Variants in CBLC observed in about 807,000 individuals in gnomAD.
CBLC encodes E3 ubiquitin-protein ligase CBL-C.
Under a neutral mutation model 58.6 loss-of-function variants are expected in CBLC, and 46 were observed. The observed-to-expected ratio is 0.79, with a 90% CI of 0.62 to 1.00. The LOEUF (loss-of-function observed/expected upper bound fraction) is 1.00. Ranked by LOEUF, CBLC falls within the 50% of genes least tolerant of loss-of-function variation. The pLI is 0.00. For synonymous variants in CBLC, 271 were observed against 264.2 expected, an observed-to-expected ratio of 1.03 and a Z score of -0.25; for missense variants, 655 against 625.8, an observed-to-expected ratio of 1.05 and a Z score of -0.50.
At position 44,781,032 on chromosome 19, in the gene CBLC, AGGGAAAGTTGCGGAGCCCGGTG is replaced by A; in HGVS notation, c.482_500+3del. 1.2e-6 allele frequency: 2 copies of A among 1,612,936 alleles called. No individual in the cohort carries two copies. Among genetic ancestry groups the A allele is most frequent in the Non-Finnish European group, 1.7e-6 (2 of 1,179,894 alleles). On this transcript the variant is annotated splice_donor_variant and splice_donor_region_variant and coding_sequence_variant and intron_variant, in exon 2 of 11. Coordinates refer to ENST00000647358, the MANE Select transcript of CBLC (RefSeq NM_012116.4). LOFTEE classifies it high-confidence loss of function. ...CAAGGCCCCCGCCCACACCTTCTGGAGGGAAAGTTGCGGAGCCCGGTGAGTAAGCCCTTGTCCTCAGCTCCCG... is the reference window on the plus strand; with the variant it reads ...CAAGGCCCCCGCCCACACCTTCTGGAAGTAAGCCCTTGTCCTCAGCTCCCG...
intron 9 of CBLC, among the ~76,000 whole-genome samples, chr19:44,796,371 G>A (rs1027982911): frequency 1.3e-5 from 2 of 152,146 alleles, no homozygotes; most frequent in Admixed American, 6.6e-5. Flanking sequence ...TTATTTTTTT[G>A]TTGTTTCTTT....
chr19:44,796,036 G>A (rs1334609321), intron 9 of CBLC, among the ~76,000 whole-genome samples: 1 of 152,042 alleles, frequency 6.6e-6, no homozygotes, highest in East Asian at 1.9e-4. Flanking sequence ...CCAACATGGT[G>A]AAACCCTGTC....
At chr19:44,793,246 C>T (rs1279970334) in intron 7 of CBLC, among the ~76,000 whole-genome samples, 1 of 152,186 alleles carries the variant, frequency 6.6e-6, no homozygotes, top group African/African-American at 2.4e-5. Flanking sequence ...GGATCCCTGG[C>T]CTGTGTGCCC....
chr19:44,786,229 G>A (rs902340514), intron 5 of CBLC, among the ~76,000 whole-genome samples: 10 of 151,772 alleles, frequency 6.6e-5, no homozygotes, highest in African/African-American at 1.4e-4. Flanking sequence ...CACCACGCCC[G>A]GCTGGGTCAC....
intron 9 of CBLC, among the ~76,000 whole-genome samples, chr19:44,799,734 G>C (rs554998586): frequency 9.3e-5 from 14 of 150,112 alleles, no homozygotes; most frequent in African/African-American, 2.7e-4. Context: ...AGGAGGGAGA[G>C]AGAAAGGAAA....
At chr19:44,786,214 C>G (rs1010816010) in intron 5 of CBLC, among the ~76,000 whole-genome samples, 8 of 151,938 alleles carry the variant, frequency 5.3e-5, no homozygotes, top group African/African-American at 1.7e-4. Context: ...ACTACAGGTG[C>G]ACGCCACCAC....
At chr19:44,788,340 G>T (rs1287953768) in intron 5 of CBLC, among the ~76,000 whole-genome samples, 1 of 151,312 alleles carries the variant, frequency 6.6e-6, no homozygotes, top group Non-Finnish European at 1.5e-5. Flanking sequence ...TGCCCAGGCT[G>T]GTCTCGAACC....
chr19:44,792,461 A>G lies in CBLC; in HGVS notation c.1084A>G (p.Lys362Glu). The G allele has an allele frequency of 6.2e-7, 1 of 1,612,852 alleles. No homozygotes were observed. ...KICAESNKDV[K>E]IEPCGHLLCS... The stretch of plus-strand genomic sequence containing the variant: ...CTGTGCTGAGAGCAACAAGGATGTG[A>G]AGATTGAGCCGTGCGGGCACCTGCT... The change falls in exon 7 of 11, where the codon AAG (lysine) becomes GAG (glutamate). Residue 362 changes from lysine to glutamate, a missense_variant. Physicochemically the swap from Lys to Glu is moderately conservative, Grantham distance 56. Transcript: ENST00000647358.
chr19:44,778,358 C>T (rs1967629812), intron 1 of CBLC, 74 bp downstream of exon 1: 1 of 1,322,872 alleles, frequency 7.6e-7, no homozygotes, highest in East Asian at 3.1e-5. Flanking sequence ...CTCCCCCAGA[C>T]CCAGGAACTT....
At position 44,794,293 on chromosome 19, in the gene CBLC, G is replaced by T. The variant is rs779576249; in HGVS notation, c.1362+12G>T. The T allele has an allele frequency of 1.9e-6, 3 of 1,611,780 alleles. No individual in the cohort carries two copies. The highest frequency in any genetic ancestry group is 2.5e-6 in the Non-Finnish European group (3 of 1,178,792). On this transcript the variant is annotated intron_variant, in intron 9 of 10. Transcript: ENST00000647358. ...CCCAGCCGAAAGTGGTGAGTCAGGC[G>T]CTGGTCTGAGGTTGGGGGCTGGGGT...
chr19:44,797,064 G>A (rs912009000), intron 9 of CBLC, among the ~76,000 whole-genome samples: 6 of 152,058 alleles, frequency 3.9e-5, no homozygotes, highest in African/African-American at 7.2e-5. Flanking sequence ...CAGGGACCTC[G>A]GGCCTGATGG....
At chr19:44,795,381 G>A (rs1476341072) in intron 9 of CBLC, among the ~76,000 whole-genome samples, 1 of 151,998 alleles carries the variant, frequency 6.6e-6, no homozygotes, top group Non-Finnish European at 1.5e-5. Flanking sequence ...GCCCAAAGTG[G>A]TGGCGCACAC....
intron 9 of CBLC, among the ~76,000 whole-genome samples, chr19:44,796,729 A>G (rs1026859300): frequency 1.3e-5 from 2 of 151,942 alleles, no homozygotes; most frequent in Admixed American, 1.3e-4. Flanking sequence ...TTTTCTCCCT[A>G]CGCTGCCACC....
chr19:44,795,685 C>T (rs1293978501), intron 9 of CBLC, among the ~76,000 whole-genome samples: 1 of 152,048 alleles, frequency 6.6e-6, no homozygotes, highest in African/African-American at 2.4e-5. Context: ...CGGGGCCCTG[C>T]TCTGCTGTAT....
At chr19:44,787,817 C>CAA (rs1383950497) in intron 5 of CBLC, among the ~76,000 whole-genome samples, 18 of 84,194 alleles carry the variant, frequency 2.1e-4, no homozygotes, top group African/African-American at 5.4e-4. Flanking sequence ...GACTTCATCT[C>CAA]AAAAAAAAAA....
chr19:44,800,276 T>G (rs759707965), intron 9 of CBLC, 105 bp from the exon 10 acceptor site: 2 of 751,900 alleles, frequency 2.7e-6, no homozygotes, highest in Non-Finnish European at 4.7e-6. Flanking sequence ...AGCCCCCAGG[T>G]GGTCTGGGAC....
chr19:44,795,794 T>G (rs1156432475), intron 9 of CBLC, among the ~76,000 whole-genome samples: 1 of 152,172 alleles, frequency 6.6e-6, no homozygotes, highest in Non-Finnish European at 1.5e-5. Flanking sequence ...GCCTTTGTTG[T>G]CTTCTCCGTC....
At position 44,793,469 on chromosome 19, in the gene CBLC, C is replaced by G. The variant is rs200326363; in HGVS notation, c.1138-5C>G. On this transcript the variant is annotated splice_polypyrimidine_tract_variant and splice_region_variant and intron_variant, in intron 7 of 10. Transcript: ENST00000647358. The stretch of plus-strand genomic sequence containing the variant: ...ACTGACCCTTTCCCTCCCGACCTCC[C>G]CCAGCACTCGGACAGCCAGACCTGC... 7 of 1,604,228 alleles carry G rather than the reference C, an allele frequency of 4.4e-6. No individual in the cohort carries two copies. The highest frequency in any genetic ancestry group is 6.0e-6 in the Non-Finnish European group (7 of 1,176,126).
In CBLC at chr19:44,796,170, G is replaced by A. The variant is rs150452091; in HGVS notation, c.1362+1889G>A. Among the ~76,000 whole-genome samples, 1,090 of 151,780 alleles carry A rather than the reference G, an allele frequency of 7.2e-3. 30 individuals carry two copies. In the East Asian group the frequency reaches 0.09, roughly 12 times the overall value. ...GTGGAGGTTGCAGTGAGCCAAGATC[G>A]CGCCACTGCACTCCAGCCTGGATGA... On this transcript the variant is annotated intron_variant, in intron 9 of 10. Transcript: ENST00000647358.
Sources: allele counts gnomAD v4.1 joint callset (sites outside exome capture counted in the v4.1 genomes callset), GRCh38; gene constraint gnomAD v4.1.1; transcripts MANE v1.5; gene names NCBI Gene and HGNC (gene_info 2026-07-23, HGNC 2026-07-21).